PCDHA1: variants seen among roughly 807,000 people sequenced by gnomAD.
PCDHA1 encodes protocadherin alpha-1.
Under a neutral mutation model 61.3 loss-of-function variants are expected in PCDHA1, and 42 were observed. The ratio of observed to expected loss-of-function variants is 0.69; its 90% CI spans 0.54 to 0.89. The LOEUF is 0.89. PCDHA1 is among the 40% of genes least tolerant of loss of function. The pLI is 0.00. For missense variants in PCDHA1, 1,256 were observed against 1,235.3 expected, an observed-to-expected ratio of 1.02 and a Z score of -0.25; for synonymous variants, 610 against 553.8, an observed-to-expected ratio of 1.10 and a Z score of -1.43.
intron 1 of PCDHA1, chr5:140,875,795 T>C (rs782073142): frequency 1.2e-6 from 2 of 1,613,786 alleles, no homozygotes. Context: ...CACCTGGAGG[T>C]GATCGTGGAC....
chr5:140,871,255 A>G (rs201468806), intron 1 of PCDHA1: 9 of 1,613,976 alleles, frequency 5.6e-6, no homozygotes, highest in Non-Finnish European at 7.6e-6. Context: ...GCTGCTGTAT[A>G]CGGCGCTGTG....
chr5:140,923,155 A>G (rs1316496589), intron 1 of PCDHA1, among the ~76,000 whole-genome samples: 4 of 152,236 alleles, frequency 2.6e-5, no homozygotes, highest in Non-Finnish European at 5.9e-5. Context: ...AAAAAATTAT[A>G]GAAAGATAAA....
Position 140,822,585 on chromosome 5 carries a change from G to A in PCDHA1, c.2394+33901G>A, listed in dbSNP as rs2150117508. 1.4e-5 allele frequency: 22 copies of A among 1,612,046 alleles called. No individual in the cohort carries two copies. The East Asian group carries it at 3.8e-4, about 28-fold the overall frequency. ...AACTGAACGCCTCAGATGCAGATGA[G>A]GGCATCAATAAGGAAATAGTGTATT... On this transcript the variant is annotated intron_variant, in intron 1 of 3. Coordinates refer to ENST00000504120, the MANE Select transcript of PCDHA1 (RefSeq NM_018900.4).
At chr5:140,824,898 T>A (rs1443268560) in intron 1 of PCDHA1, 1 of 152,162 alleles carries the variant, frequency 6.6e-6, no homozygotes, top group Non-Finnish European at 1.5e-5. Context: ...CAACTTTGCC[T>A]AAGCAGTTCA....
intron 1 of PCDHA1, chr5:140,823,643 TG>T: frequency 6.2e-7 from 1 of 1,613,838 alleles, no homozygotes; most frequent in Non-Finnish European, 8.5e-7. Context: ...CCGTTCCGCG[TG>T]GGGCTGTACA....
intron 1 of PCDHA1, chr5:140,830,060 C>CCGAG: frequency 1.2e-6 from 2 of 1,613,712 alleles, no homozygotes; most frequent in Non-Finnish European, 1.7e-6. Flanking sequence ...CCACGGTGAG[C>CCGAG]CGGCGCTGAC....
intron 1 of PCDHA1, chr5:140,847,658 T>C (rs1554141863): frequency 6.7e-6 from 1 of 149,650 alleles, no homozygotes; most frequent in East Asian, 1.9e-4. Context: ...TATTCATAGA[T>C]TATAAAGCTT....
At chr5:140,921,435 A>C (rs997660613) in intron 1 of PCDHA1, among the ~76,000 whole-genome samples, 4 of 152,120 alleles carry the variant, frequency 2.6e-5, no homozygotes, top group African/African-American at 4.8e-5. Flanking sequence ...ATTTTCTTCA[A>C]TGGTGTCTGA....
At chr5:140,922,150 T>C (rs999486530) in intron 1 of PCDHA1, among the ~76,000 whole-genome samples, 5 of 151,298 alleles carry the variant, frequency 3.3e-5, no homozygotes, top group African/African-American at 1.2e-4. Flanking sequence ...ATGAAACTCA[T>C]CAAAAACAAC....
chr5:140,830,306 C>T, intron 1 of PCDHA1: 11 of 1,613,980 alleles, frequency 6.8e-6, no homozygotes, highest in Non-Finnish European at 9.3e-6. Context: ...CAAGCCCACG[C>T]TGGTGTGCTC....
At chr5:140,811,329 G>C (rs1320139651) in intron 1 of PCDHA1, 2 of 152,082 alleles carry the variant, frequency 1.3e-5, no homozygotes, top group African/African-American at 4.8e-5. Flanking sequence ...CTCTACAAAG[G>C]ACATGAACTC....
chr5:140,999,673 T>G (rs2097868835), intron 3 of PCDHA1, among the ~76,000 whole-genome samples: 1 of 152,050 alleles, frequency 6.6e-6, no homozygotes, highest in Non-Finnish European at 1.5e-5. Context: ...TGCGGGGGGC[T>G]CACAGAAAGA....
At chr5:140,900,807 A>T (rs868976984) in intron 1 of PCDHA1, among the ~76,000 whole-genome samples, 1 of 152,176 alleles carries the variant, frequency 6.6e-6, no homozygotes, top group African/African-American at 2.4e-5. Context: ...TAGTGCTTGT[A>T]CTAATTTACA....
intron 3 of PCDHA1, among the ~76,000 whole-genome samples, chr5:140,987,224 A>T (rs28567024): frequency 4.6e-5 from 7 of 152,044 alleles, no homozygotes; most frequent in East Asian, 1.9e-4. Context: ...AAAAAAAAAA[A>T]AAATAATAAA....
intron 1 of PCDHA1, chr5:140,829,099 T>C (rs1554131748): frequency 2.5e-6 from 4 of 1,611,442 alleles, no homozygotes; most frequent in Non-Finnish European, 3.4e-6. Context: ...ATTGCACCGT[T>C]TTAGTGAGAA....
intron 1 of PCDHA1, chr5:140,870,927 T>C (rs782446287): frequency 1.9e-6 from 3 of 1,613,880 alleles, no homozygotes; most frequent in Non-Finnish European, 2.5e-6. Context: ...GGCTTTCATA[T>C]GAATTGCAGC....
At chr5:140,803,259 G>T in intron 1 of PCDHA1, 1 of 1,613,936 alleles carries the variant, frequency 6.2e-7, no homozygotes, top group Non-Finnish European at 8.5e-7. Context: ...TGGCGCCACG[G>T]GCCCGGAAGC....
intron 1 of PCDHA1, chr5:140,804,998 A>C: frequency 6.5e-7 from 1 of 1,532,070 alleles, no homozygotes; most frequent in Non-Finnish European, 8.7e-7. Flanking sequence ...TATTTTAAAA[A>C]TTTAGTTCTG....
chr5:140,818,713 C>A (rs1042891714), intron 1 of PCDHA1, among the ~76,000 whole-genome samples: 1 of 152,124 alleles, frequency 6.6e-6, no homozygotes, highest in Non-Finnish European at 1.5e-5. Flanking sequence ...TGGTGCACAC[C>A]TGTGGTCCCA....
Sources: gnomAD v4.1 joint callset for allele counts (sites outside exome capture counted in the v4.1 genomes callset) on GRCh38, gnomAD v4.1.1 for gene constraint, MANE v1.5 for transcripts, NCBI Gene and HGNC (gene_info 2026-07-23, HGNC 2026-07-21) for gene names.